Variants in CFAP206 observed in about 807,000 individuals in gnomAD.
The protein encoded by CFAP206 is cilia- and flagella-associated protein 206.
In CFAP206, 53 loss-of-function variants were observed where a neutral mutation model predicts 65.4. The observed-to-expected ratio is 0.81, with a 90% confidence interval of 0.65 to 1.02. The LOEUF (loss-of-function observed/expected upper bound fraction) is 1.02. CFAP206 is among the 50% of genes least tolerant of loss of function. The probability of loss-of-function intolerance (pLI) is 0.00; values close to 1 mark genes in which losing one functional copy is unlikely to be tolerated. For missense variants in CFAP206, 663 were observed against 753.2 expected (o/e 0.88, Z 1.40); for synonymous variants, 250 against 254.4 (o/e 0.98, Z 0.17).
At chr6:87,418,182 CT>C (rs757519197) in intron 6 of CFAP206, 25 bp from the exon 7 acceptor site, 1 of 1,606,936 alleles carries the variant, frequency 6.2e-7, no homozygotes, top group Non-Finnish European at 8.5e-7. Flanking sequence ...TCCTTTATGG[CT>C]GCCTTTTCAT....
Position 87,464,343 on chromosome 6 carries a change from G to T in CFAP206, c.*93G>T. ...AACATCTATACAAATTAATTTTGTA[G>T]GGGTGGCACATTCATTGGTTGTGTG... On this transcript the variant is annotated 3_prime_UTR_variant, in exon 13 of 13. Transcript: ENST00000369562. 1.1e-6 allele frequency: 1 copy of T among 886,516 alleles called. No individual in the cohort carries two copies. The highest frequency in any genetic ancestry group is 1.6e-6 in the Non-Finnish European group (1 of 617,284). 54.9% of individuals were successfully genotyped at this position (886,516 alleles called of 1,614,324 possible).
chr6:87,428,948 G>A (rs895643560), intron 9 of CFAP206, 124 bp downstream of exon 9: 38 of 986,780 alleles, frequency 3.9e-5, no homozygotes, highest in Non-Finnish European at 5.3e-5. Flanking sequence ...TGATTATAAA[G>A]TACTAATGAG....
Position 87,410,788 on chromosome 6 carries a change from C to T in CFAP206, c.192+120C>T, listed in dbSNP as rs1319936166. 1.7e-5 allele frequency: 13 copies of T among 758,806 alleles called. No individual in the cohort carries two copies. In the East Asian group the frequency reaches 3.4e-4, roughly 20 times the overall value. The allele number at this position is 758,806 out of a possible 1,614,324, so 47.0% of individuals were successfully genotyped here. A position where few individuals can be genotyped will look rare whatever the true frequency, so the allele number is the denominator to read the frequency against. On this transcript the variant is annotated intron_variant, in intron 3 of 12. Transcript: ENST00000369562. ...CAAAAGCCCACAAAATAGTAGTATA[C>T]ACGAGATATTTTTCTCATAACACAA... is the stretch of plus-strand genomic sequence containing the variant.
rs1158626331 is a variant in CFAP206, at chr6:87,461,181, T to G, written c.1638+16T>G. ...TATAAAATTGGTTTGTAACAATACTTTCTAGAATTATTTATATGTTGGGGA... is the reference window on the plus strand; with the variant it reads ...TATAAAATTGGTTTGTAACAATACTGTCTAGAATTATTTATATGTTGGGGA... On this transcript the variant is annotated intron_variant, in intron 12 of 12. Coordinates refer to ENST00000369562, the MANE Select transcript of CFAP206 (RefSeq NM_001031743.3). 6.7e-7 allele frequency: 1 copy of G among 1,495,378 alleles called. No individual in the cohort carries two copies. Among genetic ancestry groups the G allele is most frequent in the Non-Finnish European group, 8.9e-7 (1 of 1,120,608 alleles). The allele number at this position is 1,495,378 out of a possible 1,614,324, so 92.6% of individuals were successfully genotyped here. A position where few individuals can be genotyped will look rare whatever the true frequency, so the allele number is the denominator to read the frequency against.
At chr6:87,450,571 CAA>C (rs10678289) in intron 11 of CFAP206, among the ~76,000 whole-genome samples, 35 of 120,854 alleles carry the variant, frequency 2.9e-4, no homozygotes, top group Non-Finnish European at 3.8e-4. Context: ...CTACTTATGG[CAA>C]AAAAAAAAAA....
chr6:87,437,314 TTTC>T (rs1434203690), intron 11 of CFAP206, among the ~76,000 whole-genome samples: 1 of 152,206 alleles, frequency 6.6e-6, no homozygotes, highest in Non-Finnish European at 1.5e-5. Context: ...ATGTTTAGCA[TTTC>T]TTCTTATTTA....
At chr6:87,445,315 A>G (rs1029176933) in intron 11 of CFAP206, 6 of 190,120 alleles carry the variant, frequency 3.2e-5, no homozygotes, top group Non-Finnish European at 6.4e-5. Flanking sequence ...TCACCTAAGT[A>G]TTAAGCCCAG....
chr6:87,440,574 C>T lies in CFAP206; in HGVS notation c.1494+5521C>T, dbSNP rs541930616. ...ATGCAGGGAGCGATAATGTTAAAAT[C>T]GTAATATGCAAAATGAACAATTGCA... is the stretch of plus-strand genomic sequence containing the variant. On this transcript the variant is annotated intron_variant, in intron 11 of 12. Coordinates refer to ENST00000369562, the MANE Select transcript of CFAP206 (RefSeq NM_001031743.3). Among the ~76,000 whole-genome samples the T allele has an allele frequency of 5.3e-5, 8 of 152,166 alleles. No homozygotes were observed. The South Asian group carries it at 8.3e-4, about 16-fold the overall frequency.
intron 3 of CFAP206, among the ~76,000 whole-genome samples, chr6:87,411,865 G>C (rs1767740917): frequency 6.6e-6 from 1 of 152,166 alleles, no homozygotes; most frequent in Non-Finnish European, 1.5e-5. Context: ...CTGACAATGA[G>C]ATACAATCTT....
In CFAP206 at chr6:87,432,564, T is replaced by C. The variant is rs1003434798; in HGVS notation, c.1300+1391T>C. On this transcript the variant is annotated intron_variant, in intron 10 of 12. Coordinates refer to ENST00000369562, the MANE Select transcript of CFAP206 (RefSeq NM_001031743.3). ...GGTGATGGCAGAGGAAGCAATGATATGGTTGGAAAAGCTATGGGCTAGGGT... is the reference window on the plus strand; with the variant it reads ...GGTGATGGCAGAGGAAGCAATGATACGGTTGGAAAAGCTATGGGCTAGGGT... 1.3e-4 allele frequency among the ~76,000 whole-genome samples: 19 copies of C among 151,670 alleles called. No homozygotes were observed. The South Asian group carries it at 4.0e-3, about 32-fold the overall frequency.
At chr6:87,432,011 T>G (rs1298687465) in intron 10 of CFAP206, among the ~76,000 whole-genome samples, 1 of 152,138 alleles carries the variant, frequency 6.6e-6, no homozygotes, top group Non-Finnish European at 1.5e-5. Flanking sequence ...AAATCAGAGA[T>G]AGAGATGAAA....
intron 11 of CFAP206, among the ~76,000 whole-genome samples, chr6:87,439,167 G>T (rs1768325721): frequency 6.6e-6 from 1 of 151,942 alleles, no homozygotes; most frequent in Non-Finnish European, 1.5e-5. Context: ...TAATATGTGG[G>T]GGAATTTACA....
intron 11 of CFAP206, among the ~76,000 whole-genome samples, chr6:87,454,251 G>A (rs999065442): frequency 6.6e-6 from 1 of 152,096 alleles, no homozygotes. Context: ...AAATATTAGA[G>A]CTAAAGAGCG....
intron 11 of CFAP206, among the ~76,000 whole-genome samples, chr6:87,459,664 T>C (rs924597632): frequency 2.0e-5 from 3 of 152,180 alleles, no homozygotes; most frequent in Admixed American, 1.3e-4. Context: ...GGGAAGTCAG[T>C]TGAACGTCTA....
In CFAP206 at chr6:87,415,724, A is replaced by G. The variant is rs1210142360; in HGVS notation, c.322A>G (p.Arg108Gly). 14 of 1,612,186 alleles carry G rather than the reference A, an allele frequency of 8.7e-6. No individual in the cohort carries two copies. The highest frequency in any genetic ancestry group is 2.2e-5 in the East Asian group (1 of 44,846). The change falls in exon 5 of 13, where the codon AGA becomes GGA. Residue 108 changes from arginine (R) to glycine (G), a missense_variant. Transcript: ENST00000369562. The part of the protein sequence containing the change: ...LEEHHRVLES[R>G]LGSVTREITD... ...AGAACATCACCGGGTCCTAGAGTCT[A>G]GATTAGGCTCTGTTACCCGAGAAAT... is the stretch of plus-strand genomic sequence containing the variant.
At chr6:87,455,974 T>G (rs903569480) in intron 11 of CFAP206, among the ~76,000 whole-genome samples, 1 of 152,154 alleles carries the variant, frequency 6.6e-6, no homozygotes, top group Admixed American at 6.5e-5. Context: ...TTTCAAAAAG[T>G]AGAGGAAGAG....
rs913736507 is a variant in CFAP206 at position 87,442,541 on chromosome 6, G to A, written c.1494+7488G>A. 4.6e-4 allele frequency among the ~76,000 whole-genome samples: 70 copies of A among 152,204 alleles called. 1 individual carries two copies. Among genetic ancestry groups the A allele is most frequent in the African/African-American group, 1.7e-3 (69 of 41,546 alleles). On this transcript the variant is annotated intron_variant, in intron 11 of 12. Transcript: ENST00000369562. ...TAGTATAGTATCAAATAGAGGTAGC[G>A]AAATTGGGCAACTTTGTCTTCTTAT...
At chr6:87,409,177 C>G (rs556782817) in intron 1 of CFAP206, among the ~76,000 whole-genome samples, 1 of 150,852 alleles carries the variant, frequency 6.6e-6, no homozygotes, top group Admixed American at 6.6e-5. Flanking sequence ...AAGCTGTACT[C>G]TTGGGTTTCT....
intron 5 of CFAP206, 83 bp from the exon 6 acceptor site, chr6:87,416,568 CTCAGACCCTTAACTTGCT>C: frequency 9.5e-7 from 1 of 1,053,718 alleles, no homozygotes; most frequent in South Asian, 1.8e-5. Context: ...ATATAAGTAA[CTCAGACCCTTAACTTGCT>C]GCTAAAGAAA....
Sources: allele counts gnomAD v4.1 joint callset (sites outside exome capture counted in the v4.1 genomes callset), GRCh38; gene constraint gnomAD v4.1.1; transcripts MANE v1.5; gene names NCBI Gene and HGNC (gene_info 2026-07-23, HGNC 2026-07-21).